ADGRE3: variants seen among roughly 807,000 people sequenced by gnomAD.
ADGRE3 encodes EGF-like module receptor 3.
A neutral mutation model predicts 80.1 loss-of-function variants in ADGRE3; 88 were observed. The ratio of observed to expected loss-of-function variants is 1.10; its 90% CI spans 0.93 to 1.31. ADGRE3 has a LOEUF of 1.31. ADGRE3 is among the 40% of genes most tolerant of loss of function. The pLI is 0.00. For synonymous variants in ADGRE3, 281 were observed against 294.8 expected (o/e 0.95, Z 0.48); for missense variants, 715 against 776.5 (o/e 0.92, Z 0.94).
At chr19:14,647,401 C>CT (rs754142993) in intron 7 of ADGRE3, 36 bp from the exon 8 acceptor site, 1 of 1,201,962 alleles carries the variant, frequency 8.3e-7, no homozygotes. Flanking sequence ...TTTTTCTTTT[C>CT]TTTTCTTTCT....
chr19:14,614,769 G>GT (rs1390535598), downstream of ADGRE3, among the ~76,000 whole-genome samples: 1 of 151,894 alleles, frequency 6.6e-6, no homozygotes, highest in Non-Finnish European at 1.5e-5. Flanking sequence ...TAGAGATGGG[G>GT]TTTTGCCATG....
At chr19:14,632,295 T>C (rs1970906665) in intron 13 of ADGRE3, among the ~76,000 whole-genome samples, 1 of 152,120 alleles carries the variant, frequency 6.6e-6, no homozygotes, top group Non-Finnish European at 1.5e-5. Flanking sequence ...CAAATTTGAG[T>C]TGGTTGCTTT....
intron 11 of ADGRE3, among the ~76,000 whole-genome samples, chr19:14,635,627 G>T (rs111514712): frequency 0.021 from 3,137 of 151,686 alleles, 95 homozygotes; most frequent in African/African-American, 0.072. Flanking sequence ...TGGCCAGGCT[G>T]GTCTTGAACT....
At chr19:14,658,620 G>T in intron 4 of ADGRE3, 70 bp from the exon 5 acceptor site, 5 of 1,174,286 alleles carry the variant, frequency 4.3e-6, no homozygotes, top group Non-Finnish European at 6.0e-6. Context: ...GGGCAGGTGG[G>T]GTAAGTAATG....
At chr19:14,610,375 G>A in the ADGRE3 span, 1 of 819,220 alleles carries the variant, frequency 1.2e-6, no homozygotes. Context: ...TCTAGAGTGA[G>A]GACTTGGGCT....
At chr19:14,606,945 G>A in the ADGRE3 span, 2 of 1,043,832 alleles carry the variant, frequency 1.9e-6, no homozygotes, top group Non-Finnish European at 2.5e-6. Flanking sequence ...TCCTCACCCT[G>A]AGGGTCATGT....
chr19:14,662,026 G>C lies in ADGRE3; in HGVS notation c.292C>G (p.Pro98Ala), dbSNP rs1405652066. 1 of 1,614,022 alleles carries C rather than the reference G, an allele frequency of 6.2e-7. No homozygotes were observed. Among genetic ancestry groups the C allele is most frequent in the Non-Finnish European group, 8.5e-7 (1 of 1,179,912 alleles). The change falls in exon 4 of 16, where the codon CCA becomes GCA. Residue 98 changes from proline to alanine, a missense_variant. Coordinates refer to ENST00000253673, the MANE Select transcript of ADGRE3 (RefSeq NM_032571.5). ...TTCCCAGAATGCAGTCTATATCCTG[G>C]GACACATTGACAGTAGAAACTTCCT... ...VEGSFYCQCV[P>A]GYRLHSGNEQ...
the ADGRE3 span, chr19:14,600,322 C>T: frequency 2.9e-6 from 3 of 1,022,768 alleles, no homozygotes; most frequent in Non-Finnish European, 2.8e-6. Flanking sequence ...GCAAGCTCTT[C>T]CTAAGGTAGT....
chr19:14,646,080 T>C (rs1971390536), intron 8 of ADGRE3, among the ~76,000 whole-genome samples: 1 of 152,224 alleles, frequency 6.6e-6, no homozygotes, highest in Non-Finnish European at 1.5e-5. Flanking sequence ...ATAAATATAA[T>C]CAACATAGAT....
rs534678200 is a variant in ADGRE3, at chr19:14,642,152, C to G, written c.1051-536G>C. Among the ~76,000 whole-genome samples, 3 of 152,076 alleles carry G rather than the reference C, an allele frequency of 2.0e-5. 1 individual carries two copies. The highest frequency in any genetic ancestry group is 4.4e-5 in the Non-Finnish European group (3 of 68,008). On this transcript the variant is annotated intron_variant, in intron 9 of 15. Transcript: ENST00000253673. ...CACGATATGATTGTACTTTACTGAACTGTATATACATTTAAAAATGGCTTA... is the reference window on the plus strand; with the variant it reads ...CACGATATGATTGTACTTTACTGAAGTGTATATACATTTAAAAATGGCTTA...
At position 14,636,092 on chromosome 19, in the gene ADGRE3, T is replaced by TTTTCTTTCTC. The variant is rs1971057830; in HGVS notation, c.1484+2012_1484+2013insGAGAAAGAAA. 5.4e-5 allele frequency among the ~76,000 whole-genome samples: 2 copies of TTTTCTTTCTC among 37,264 alleles called. 1 individual carries two copies. Among genetic ancestry groups the TTTTCTTTCTC allele is most frequent in the African/African-American group, 1.6e-4 (2 of 12,332 alleles). The allele number at this position is 37,264 out of a possible 152,430, so 24.4% of individuals were successfully genotyped here. On this transcript the variant is annotated intron_variant, in intron 11 of 15. Coordinates refer to ENST00000253673, the MANE Select transcript of ADGRE3 (RefSeq NM_032571.5). ...TTTCCTTTCCTTTCCCTTTCTTTCT[T>TTTTCTTTCTC]TCTTTCTTTCTTTCTTTCTTTCTTT...
intron 1 of ADGRE3, among the ~76,000 whole-genome samples, chr19:14,674,199 T>C (rs561050077): frequency 1.3e-5 from 2 of 152,140 alleles, no homozygotes; most frequent in East Asian, 1.9e-4. Flanking sequence ...AAGAGGAAGA[T>C]GAACAACGTA....
intron 14 of ADGRE3, among the ~76,000 whole-genome samples, chr19:14,628,334 C>T (rs1001968545): frequency 5.5e-5 from 8 of 146,414 alleles, no homozygotes; most frequent in East Asian, 1.9e-4. Context: ...CCCAGGTACT[C>T]GGGAGGTGGA....
Position 14,662,041 on chromosome 19 carries a change from A to G in ADGRE3, c.277T>C (p.Tyr93His). The G allele has an allele frequency of 6.2e-7, 1 of 1,614,134 alleles. No individual in the cohort carries two copies. Among genetic ancestry groups the G allele is most frequent in the African/African-American group, 1.3e-5 (1 of 75,070 alleles). Residue 93 changes from tyrosine (Y) to histidine (H), a missense_variant, in exon 4 of 16, where the codon TAC (tyrosine) becomes CAC (histidine). Tyr to His is a moderately conservative substitution (Grantham distance 83). Coordinates refer to ENST00000253673, the MANE Select transcript of ADGRE3 (RefSeq NM_032571.5). The part of the protein sequence containing the change: ...AVCYNVEGSF[Y>H]CQCVPGYRLH... ...CTATATCCTGGGACACATTGACAGTAGAAACTTCCTTCGACATTGTAACAC... is the reference window on the plus strand; with the variant it reads ...CTATATCCTGGGACACATTGACAGTGGAAACTTCCTTCGACATTGTAACAC...
chr19:14,668,174 C>T (rs916971822), intron 2 of ADGRE3, among the ~76,000 whole-genome samples: 1 of 152,014 alleles, frequency 6.6e-6, no homozygotes, highest in African/African-American at 2.4e-5. Flanking sequence ...TCGTTTGAAC[C>T]CAGGACGTGG....
intron 10 of ADGRE3, among the ~76,000 whole-genome samples, chr19:14,639,726 T>C (rs75932880): frequency 0.039 from 5,910 of 152,242 alleles, 126 homozygotes; most frequent in South Asian, 0.06. Context: ...CAAGGGATTA[T>C]TTTAAACTGA....
At chr19:14,623,893 T>C (rs1040592276) in intron 15 of ADGRE3, among the ~76,000 whole-genome samples, 3 of 152,120 alleles carry the variant, frequency 2.0e-5, no homozygotes, top group African/African-American at 7.2e-5. Context: ...TGAGGAACAA[T>C]ATAACAAGAA....
At chr19:14,606,876 C>T in the ADGRE3 span, 4 of 371,454 alleles carry the variant, frequency 1.1e-5, no homozygotes, top group South Asian at 1.3e-4. Flanking sequence ...GGGACGGGGA[C>T]GGGTTGTGGG....
At chr19:14,638,048 G>T in intron 11 of ADGRE3, 57 bp downstream of exon 11, 2 of 1,246,396 alleles carry the variant, frequency 1.6e-6, no homozygotes, top group Admixed American at 1.7e-5. Flanking sequence ...CATGAATGCT[G>T]CCCTCAAAAG....
Sources: allele counts gnomAD v4.1 joint callset (sites outside exome capture counted in the v4.1 genomes callset), GRCh38; gene constraint gnomAD v4.1.1; transcripts MANE v1.5; gene names NCBI Gene and HGNC (gene_info 2026-07-23, HGNC 2026-07-21).